SIRPB2: variants seen among roughly 807,000 people sequenced by gnomAD.
SIRPB2 encodes signal-regulatory protein beta-2.
In SIRPB2, 18 loss-of-function variants were observed where a neutral mutation model predicts 27.1. The observed-to-expected ratio is 0.66, with a 90% CI of 0.46 to 0.98. The LOEUF (loss-of-function observed/expected upper bound fraction) is 0.98, where lower values mean the gene tolerates loss of function less well. Ranked by LOEUF, SIRPB2 falls within the 50% of genes least tolerant of loss-of-function variation. The pLI is 0.00. For missense variants in SIRPB2, 420 were observed against 417.4 expected, an observed-to-expected ratio of 1.01 and a Z score of -0.06; for synonymous variants, 150 against 164.6, an observed-to-expected ratio of 0.91 and a Z score of 0.68.
At chr20:1,472,867 C>G (rs6033867), downstream of SIRPB2, 46,594 of 152,044 alleles carry the variant, frequency 0.31, 8,869 homozygotes, top group East Asian at 0.74. Context: ...TTGTGCAAGT[C>G]AAGCACGCTC....
intron 1 of SIRPB2, among the ~76,000 whole-genome samples, chr20:1,483,559 T>G (rs750983603): frequency 1.2e-4 from 19 of 152,232 alleles, no homozygotes; most frequent in Non-Finnish European, 2.2e-4. Flanking sequence ...AAATGTTTAT[T>G]CATTCCTTTC....
In SIRPB2 at chr20:1,475,780, T is replaced by TATCATTAAAAA; in HGVS notation, c.*386_*387insTTTTTAATGAT. ...GGAGGGGCACAGATGGTCTGGCTGG[T>TATCATTAAAAA]TGAGTTCAGAGATTCTTACAGACAT... On this transcript the variant is annotated 3_prime_UTR_variant, in exon 5 of 5. Transcript: ENST00000359801. 1 of 129,038 alleles carries TATCATTAAAAA rather than the reference T, an allele frequency of 7.7e-6. No individual in the cohort carries two copies. The highest frequency in any genetic ancestry group is 1.9e-4 in the South Asian group (1 of 5,182). 8.0% of individuals were successfully genotyped at this position (129,038 alleles called of 1,614,324 possible).
downstream of SIRPB2, among the ~76,000 whole-genome samples, chr20:1,471,524 T>C (rs2090581183): frequency 6.6e-6 from 1 of 152,244 alleles, no homozygotes; most frequent in South Asian, 2.1e-4. Context: ...GAGAATGATC[T>C]GTGTAGCAAA....
At chr20:1,482,518 C>CCTTCCTTTCTTT (rs988327621) in intron 1 of SIRPB2, among the ~76,000 whole-genome samples, 1 of 151,686 alleles carries the variant, frequency 6.6e-6, no homozygotes, top group Admixed American at 6.6e-5. Context: ...TTCCCTCCTT[C>CCTTCCTTTCTTT]CTTCCTTTCT....
At chr20:1,486,525 A>C (rs901098001) in intron 1 of SIRPB2, among the ~76,000 whole-genome samples, 2 of 152,158 alleles carry the variant, frequency 1.3e-5, no homozygotes, top group South Asian at 4.2e-4. Flanking sequence ...GAAAATCAAT[A>C]TCTCTCATGA....
chr20:1,490,728 T>C (rs949815068), intron 1 of SIRPB2, among the ~76,000 whole-genome samples: 8 of 152,228 alleles, frequency 5.3e-5, no homozygotes, highest in African/African-American at 7.2e-5. Context: ...TTGAGCCTAC[T>C]GCGTCTTAAG....
intron 1 of SIRPB2, among the ~76,000 whole-genome samples, chr20:1,486,802 A>G (rs1302780254): frequency 6.6e-6 from 1 of 152,226 alleles, no homozygotes; most frequent in Non-Finnish European, 1.5e-5. Flanking sequence ...AATAACTCTC[A>G]GCAAACTGGG....
At chr20:1,480,163 A>C in intron 1 of SIRPB2, 98 bp from the exon 2 acceptor site, 2 of 1,417,598 alleles carry the variant, frequency 1.4e-6, no homozygotes, top group Non-Finnish European at 1.9e-6. Context: ...GCCAAGAACA[A>C]TGGCCCAGGA....
intron 1 of SIRPB2, among the ~76,000 whole-genome samples, chr20:1,484,242 C>T (rs2090703100): frequency 6.6e-6 from 1 of 151,888 alleles, no homozygotes; most frequent in African/African-American, 2.4e-5. Flanking sequence ...ACTATAAAAA[C>T]TACTAGGAGA....
At chr20:1,480,150 C>G in intron 1 of SIRPB2, 85 bp from the exon 2 acceptor site, 1 of 1,481,000 alleles carries the variant, frequency 6.8e-7, no homozygotes, top group Non-Finnish European at 8.9e-7. Flanking sequence ...AAACCATTAT[C>G]TGGCCAAGAA....
In SIRPB2 at chr20:1,476,832, T is replaced by C. The variant is rs984242611; in HGVS notation, c.860-496A>G. 2.7e-5 allele frequency: 29 copies of C among 1,069,054 alleles called. No homozygotes were observed. The African/African-American group carries it at 4.9e-4, about 18-fold the overall frequency. The allele number at this position is 1,069,054 out of a possible 1,614,324, so 66.2% of individuals were successfully genotyped here. A position where few individuals can be genotyped will look rare whatever the true frequency, so the allele number is the denominator to read the frequency against. On this transcript the variant is annotated intron_variant, in intron 4 of 4. Coordinates refer to ENST00000359801, the MANE Select transcript of SIRPB2 (RefSeq NM_001122962.2). ...AGAGTCCTTGAATGTTAACATGAGATGTGCTAGGCACAGTTCTGGACACCT... is the reference window on the plus strand; with the variant it reads ...AGAGTCCTTGAATGTTAACATGAGACGTGCTAGGCACAGTTCTGGACACCT...
downstream of SIRPB2, chr20:1,471,057 A>T (rs1305497963): frequency 6.6e-6 from 1 of 152,228 alleles, no homozygotes; most frequent in East Asian, 1.9e-4. Context: ...AAACTCTGCT[A>T]CTTCACCTTT....
intron 1 of SIRPB2, among the ~76,000 whole-genome samples, chr20:1,490,050 T>C (rs2090763742): frequency 6.6e-6 from 1 of 152,208 alleles, no homozygotes; most frequent in Non-Finnish European, 1.5e-5. Context: ...GCAACTTCTC[T>C]TATTTTCCAT....
chr20:1,480,029 A>G lies in SIRPB2; in HGVS notation c.122T>C (p.Val41Ala), dbSNP rs201033475. Residue 41 changes from valine to alanine, a missense_variant, in exon 2 of 5, where the codon GTG (valine) becomes GCG (alanine). Val to Ala is a moderately conservative substitution (Grantham distance 64, BLOSUM62 0). Transcript: ENST00000359801. ...CAGCATGGGGCCCTCGGGCTGTAGCACCTGCCAGTCATTCCTGCTGCTCTG... is the reference window on the plus strand; with the variant it reads ...CAGCATGGGGCCCTCGGGCTGTAGCGCCTGCCAGTCATTCCTGCTGCTCTG... ...SGQSSRNDWQ[V>A]LQPEGPMLVA... 3.1e-6 allele frequency: 5 copies of G among 1,609,142 alleles called. No individual in the cohort carries two copies. Among genetic ancestry groups the G allele is most frequent in the Non-Finnish European group, 4.2e-6 (5 of 1,178,426 alleles).
intron 1 of SIRPB2, among the ~76,000 whole-genome samples, chr20:1,485,046 A>G (rs1435417338): frequency 1.3e-5 from 2 of 152,190 alleles, no homozygotes; most frequent in South Asian, 4.1e-4. Context: ...AATTGATCTC[A>G]TGAAAGCAGA....
At chr20:1,481,368 G>T (rs182213161) in intron 1 of SIRPB2, among the ~76,000 whole-genome samples, 8 of 152,250 alleles carry the variant, frequency 5.3e-5, no homozygotes, top group Middle Eastern at 6.8e-3. Flanking sequence ...CAGTGGTAAA[G>T]AAACATGAGG....
In SIRPB2 at chr20:1,476,303, C is replaced by T; in HGVS notation, c.893G>A (p.Gly298Glu). ...TGCAGCCAAGGTAATTGCCTTCAGC[C>T]CCAGGACCACAGGTGCGAACACAAC... ...LLVVFAPVVL[G>E]LKAITLAALL... The change falls in exon 5 of 5, where the codon GGG becomes GAG. Residue 298 changes from glycine to glutamate, a missense_variant. Physicochemically the swap from Gly to Glu is moderately conservative, Grantham distance 98. Transcript: ENST00000359801. 1 of 1,613,638 alleles carries T rather than the reference C, an allele frequency of 6.2e-7. No homozygotes were observed. Among genetic ancestry groups the T allele is most frequent in the Non-Finnish European group, 8.5e-7 (1 of 1,179,926 alleles).
intron 2 of SIRPB2, chr20:1,479,437 A>T: frequency 1.9e-6 from 1 of 518,220 alleles, no homozygotes; most frequent in East Asian, 3.5e-5. Context: ...GTGTACTTGA[A>T]GAGTTGGGAC....
chr20:1,476,404 T>C, intron 4 of SIRPB2, 68 bp from the exon 5 acceptor site: 11 of 1,470,384 alleles, frequency 7.5e-6, no homozygotes, highest in Non-Finnish European at 1.0e-5. Context: ...GCCTCATTGC[T>C]GCCCATGGGC....
Sources: gnomAD v4.1 joint callset for allele counts (sites outside exome capture counted in the v4.1 genomes callset) on GRCh38, gnomAD v4.1.1 for gene constraint, MANE v1.5 for transcripts, NCBI Gene and HGNC (gene_info 2026-07-23, HGNC 2026-07-21) for gene names.